STX1A: variants seen among roughly 807,000 people sequenced by gnomAD.
STX1A encodes syntaxin 1A.
STX1A carries 4 observed loss-of-function variants against 37.8 expected under a neutral mutation model. That is an observed-to-expected ratio of 0.11 (90% CI 0.05 to 0.24). The LOEUF (loss-of-function observed/expected upper bound fraction) is 0.24, where lower values mean the gene tolerates loss of function less well. Among genes scored for constraint, STX1A ranks in the 10% least tolerant of loss-of-function variants. The pLI is 1.00. For synonymous variants in STX1A, 135 were observed against 147.4 expected, an observed-to-expected ratio of 0.92 and a Z score of 0.61; for missense variants, 251 against 399.9, an observed-to-expected ratio of 0.63 and a Z score of 3.18.
chr7:73,703,422 A>C, intron 7 of STX1A: 1 of 599,818 alleles, frequency 1.7e-6, no homozygotes, highest in Non-Finnish European at 3.1e-6. Context: ...TCCTTCAGGG[A>C]GCACCCCTGC....
chr7:73,702,635 G>C lies in STX1A; in HGVS notation c.678+210C>G. The C allele has an allele frequency of 7.1e-7, 1 of 1,415,340 alleles. No individual in the cohort carries two copies. Among genetic ancestry groups the C allele is most frequent in the Non-Finnish European group, 9.3e-7 (1 of 1,075,432 alleles). The allele number at this position is 1,415,340 out of a possible 1,614,324, so 87.7% of individuals were successfully genotyped here. On this transcript the variant is annotated intron_variant, in intron 8 of 9. Coordinates refer to ENST00000222812, the MANE Select transcript of STX1A (RefSeq NM_004603.4). This position sits in a 1 kb window ranked among gnomAD's most constrained non-coding sequence, Gnocchi z 4.7. ...TAGAGGGTGGGGCCATGCAGGGCCT[G>C]GGGTCCTTGAAGCTCAAGCAGAGCC...
chr7:73,700,639 G>C lies in STX1A; in HGVS notation c.789+91C>G. ...CTGTCATGGGGAGCTCCTGAGAGAA[G>C]GGAGAGAGGTGGGATGGGGAGGGAT... On this transcript the variant is annotated intron_variant, in intron 9 of 9. Coordinates refer to ENST00000222812, the MANE Select transcript of STX1A (RefSeq NM_004603.4). The surrounding 1 kb of genome is among the most constrained non-coding windows in gnomAD (Gnocchi z 4.4). 1 of 1,551,272 alleles carries C rather than the reference G, an allele frequency of 6.4e-7. No individual in the cohort carries two copies. The highest frequency in any genetic ancestry group is 8.8e-7 in the Non-Finnish European group (1 of 1,138,710).
chr7:73,703,028 G>A (rs376684308), intron 7 of STX1A, 46 bp from the exon 8 acceptor site: 2 of 1,462,598 alleles, frequency 1.4e-6, no homozygotes, highest in Non-Finnish European at 1.8e-6. Context: ...TTGCTGAGGG[G>A]CAGGGCAGAG....
chr7:73,710,599 T>C (rs1040572402), intron 1 of STX1A, among the ~76,000 whole-genome samples: 6 of 152,134 alleles, frequency 3.9e-5, no homozygotes, highest in Non-Finnish European at 8.8e-5. Context: ...CTAATTTTTG[T>C]ATTTTTAGTA....
chr7:73,701,483 C>T (rs188557718), intron 8 of STX1A, among the ~76,000 whole-genome samples: 63 of 151,760 alleles, frequency 4.2e-4, no homozygotes, highest in African/African-American at 1.4e-3. Context: ...AATCCTGCCA[C>T]TGCACTCCAG....
At position 73,705,500 on chromosome 7, in the gene STX1A, T is replaced by C; in HGVS notation, c.209-276A>G. ...ACCCCCTGGAGATAACAGATGGGTCTAAATTTAAGGCAGAAGTAATTGTGG... is the reference window on the plus strand; with the variant it reads ...ACCCCCTGGAGATAACAGATGGGTCCAAATTTAAGGCAGAAGTAATTGTGG... On this transcript the variant is annotated intron_variant, in intron 3 of 9. Transcript: ENST00000222812. This position sits in a 1 kb window ranked among gnomAD's most constrained non-coding sequence, Gnocchi z 5.2. 1 of 438,758 alleles carries C rather than the reference T, an allele frequency of 2.3e-6. No homozygotes were observed. The highest frequency in any genetic ancestry group is 2.0e-5 in the African/African-American group (1 of 49,898). 27.2% of individuals were successfully genotyped at this position (438,758 alleles called of 1,614,324 possible).
At chr7:73,711,007 G>A (rs1311206871) in intron 1 of STX1A, among the ~76,000 whole-genome samples, 1 of 151,118 alleles carries the variant, frequency 6.6e-6, no homozygotes, top group African/African-American at 2.4e-5. Flanking sequence ...TTGATTGATT[G>A]AGACAGGGTC....
Position 73,705,439 on chromosome 7 carries a change from C to T in STX1A, c.209-215G>A, listed in dbSNP as rs370910660. 3.8e-5 allele frequency: 21 copies of T among 550,254 alleles called. No individual in the cohort carries two copies. The highest frequency in any genetic ancestry group is 9.3e-5 in the East Asian group (3 of 32,304). 34.1% of individuals were successfully genotyped at this position (550,254 alleles called of 1,614,324 possible). On this transcript the variant is annotated intron_variant, in intron 3 of 9. Transcript: ENST00000222812. This position sits in a 1 kb window ranked among gnomAD's most constrained non-coding sequence, Gnocchi z 5.2. ...GCTTCACCCCCTCTTGTGCTGTCTT[C>T]GGAGGAGCCTCCCTTCCTCCTTTGC...
At chr7:73,708,488 C>T (rs1382584835) in intron 3 of STX1A, 101 bp downstream of exon 3, 6 of 1,167,520 alleles carry the variant, frequency 5.1e-6, no homozygotes, top group Non-Finnish European at 4.9e-6. Context: ...CCTAAGCCCA[C>T]CAGCCATGAA....
At chr7:73,712,671 C>A (rs1799147099) in intron 1 of STX1A, among the ~76,000 whole-genome samples, 1 of 152,196 alleles carries the variant, frequency 6.6e-6, no homozygotes, top group Admixed American at 6.5e-5. Flanking sequence ...GCAGCCCCAA[C>A]TGTTAGAGTC....
intron 1 of STX1A, among the ~76,000 whole-genome samples, chr7:73,714,506 T>C (rs772738695): frequency 3.9e-5 from 6 of 151,942 alleles, no homozygotes; most frequent in African/African-American, 1.5e-4. Context: ...GCTCAAGCAA[T>C]CCTCCAGCCT....
intron 1 of STX1A, among the ~76,000 whole-genome samples, chr7:73,712,475 C>T (rs901993158): frequency 1.3e-5 from 2 of 152,018 alleles, no homozygotes; most frequent in Non-Finnish European, 2.9e-5. Context: ...TCCCTGCCCC[C>T]CCAAATCAGT....
chr7:73,709,035 T>G lies in STX1A; in HGVS notation c.108+10A>C, dbSNP rs782370537. On this transcript the variant is annotated intron_variant, in intron 2 of 9. Coordinates refer to ENST00000222812, the MANE Select transcript of STX1A (RefSeq NM_004603.4). This position sits in a 1 kb window ranked among gnomAD's most constrained non-coding sequence, Gnocchi z 4.2. ...AGTGTGCGGGAAGGGTGGGGTGTGC[T>G]GGCTCCCACCTGCTCAAAGAACTCA... 2 of 1,613,986 alleles carry G rather than the reference T, an allele frequency of 1.2e-6. No homozygotes were observed.
In STX1A at chr7:73,705,424, C is replaced by G. The variant is rs553602551; in HGVS notation, c.209-200G>C. The stretch of plus-strand genomic sequence containing the variant: ...GCTGCACCAGCTGCAGCTTCACCCC[C>G]TCTTGTGCTGTCTTCGGAGGAGCCT... On this transcript the variant is annotated intron_variant, in intron 3 of 9. Coordinates refer to ENST00000222812, the MANE Select transcript of STX1A (RefSeq NM_004603.4). The surrounding 1 kb of genome is among the most constrained non-coding windows in gnomAD (Gnocchi z 5.2). The G allele has an allele frequency of 8.5e-6, 5 of 584,964 alleles. No individual in the cohort carries two copies. Among genetic ancestry groups the G allele is most frequent in the East Asian group, 2.9e-5 (1 of 34,616 alleles). The allele number at this position is 584,964 out of a possible 1,614,324, so 36.2% of individuals were successfully genotyped here.
At position 73,702,883 on chromosome 7, in the gene STX1A, C is replaced by T. The variant is rs1435523092; in HGVS notation, c.640G>A (p.Asp214Asn). 10 of 1,613,710 alleles carry T rather than the reference C, an allele frequency of 6.2e-6. No individual in the cohort carries two copies. The highest frequency in any genetic ancestry group is 3.3e-5 in the Admixed American group (2 of 59,996). ...KLENSIRELHDMFMDMAMLVE... is the reference protein window; with the variant it reads ...KLENSIRELHNMFMDMAMLVE... Reference sequence around the variant, plus strand: ...AGCATGGCCATGTCCATGAACATGTCGTGTAGCTCACGGATGCTGTTCTCC... The same window carrying T: ...AGCATGGCCATGTCCATGAACATGTTGTGTAGCTCACGGATGCTGTTCTCC... The change falls in exon 8 of 10, where the codon GAC becomes AAC. Residue 214 changes from aspartate (D) to asparagine (N), a missense_variant. Around this residue, in one of 2 missense-constraint regions of STX1A, gnomAD observed 214 missense variants for 367.6 expected, o/e 0.58. Coordinates refer to ENST00000222812, the MANE Select transcript of STX1A (RefSeq NM_004603.4). This position sits in a 1 kb window ranked among gnomAD's most constrained non-coding sequence, Gnocchi z 4.7.
chr7:73,717,251 GC>G lies in STX1A; in HGVS notation c.30+2350del, dbSNP rs1325235440. On this transcript the variant is annotated intron_variant, in intron 1 of 9. Transcript: ENST00000222812. This position sits in a 1 kb window ranked among gnomAD's most constrained non-coding sequence, Gnocchi z 4.1. ...GAGGGAGGGCTGGGAGCGGTGCACA[GC>G]CGCTGTCCCCAGCACCATCTCTGTT... 6.6e-6 allele frequency among the ~76,000 whole-genome samples: 1 copy of G among 152,146 alleles called. No individual in the cohort carries two copies. Among genetic ancestry groups the G allele is most frequent in the Non-Finnish European group, 1.5e-5 (1 of 68,008 alleles).
intron 3 of STX1A, among the ~76,000 whole-genome samples, chr7:73,708,158 G>A (rs1331053969): frequency 6.6e-6 from 1 of 151,330 alleles, no homozygotes; most frequent in Non-Finnish European, 1.5e-5. Context: ...CAGCTACTTG[G>A]GAGGCTGAGG....
At position 73,709,380 on chromosome 7, in the gene STX1A, TTCC is replaced by T. The variant is rs144536786; in HGVS notation, c.31-261_31-259del. On this transcript the variant is annotated intron_variant, in intron 1 of 9. Coordinates refer to ENST00000222812, the MANE Select transcript of STX1A (RefSeq NM_004603.4). This position sits in a 1 kb window ranked among gnomAD's most constrained non-coding sequence, Gnocchi z 4.2. ...AAGTCTCAGCCTCTGGGCCAGGGAC[TTCC>T]TCCCTCACCTATCTGCCTGCCCCCT... 0.015 allele frequency among the ~76,000 whole-genome samples: 2,313 copies of T among 152,198 alleles called. 60 individuals are homozygous for T. The highest frequency in any genetic ancestry group is 0.052 in the African/African-American group (2,157 of 41,508).
At chr7:73,701,066 G>C in intron 8 of STX1A, 2 of 799,706 alleles carry the variant, frequency 2.5e-6, no homozygotes, top group Non-Finnish European at 3.9e-6. Context: ...AGCAATCCTG[G>C]GGGTGGAGCT....
Sources: gnomAD v4.1 joint callset for allele counts (sites outside exome capture counted in the v4.1 genomes callset) on GRCh38, gnomAD v4.1.1 for gene constraint, gnomAD v4.1.1 regional missense constraint, Gnocchi (gnomAD v3.1) non-coding constraint, MANE v1.5 for transcripts, NCBI Gene and HGNC (gene_info 2026-07-23, HGNC 2026-07-21) for gene names.